CTXN2: variants seen among roughly 807,000 people sequenced by gnomAD.
The protein encoded by CTXN2 is cortexin-2.
A neutral mutation model predicts 5.7 loss-of-function variants in CTXN2; 3 were observed. The ratio of observed to expected loss-of-function variants is 0.53; its 90% CI spans 0.24 to 1.36. CTXN2 has a LOEUF of 1.36. CTXN2 is among the 40% of genes most tolerant of loss of function. The probability of loss-of-function intolerance (pLI) is 0.17; values close to 1 mark genes in which losing one functional copy is unlikely to be tolerated. For synonymous variants in CTXN2, 38 were observed against 36.4 expected (o/e 1.04, Z -0.16); for missense variants, 87 against 93.0 (o/e 0.94, Z 0.26).
At chr15:48,187,025 G>A (rs2040764029), upstream of CTXN2, among the ~76,000 whole-genome samples, 1 of 151,792 alleles carries the variant, frequency 6.6e-6, no homozygotes. Context: ...AGGCTCTTTG[G>A]ATTACCTTGG....
chr15:48,195,220 C>T (rs373786966), intron 1 of CTXN2, among the ~76,000 whole-genome samples: 25 of 152,074 alleles, frequency 1.6e-4, no homozygotes, highest in African/African-American at 6.0e-4. Flanking sequence ...AGTGTAGAGT[C>T]ATCTTTGATG....
At chr15:48,194,585 C>T (rs1013971092) in intron 1 of CTXN2, among the ~76,000 whole-genome samples, 24 of 152,056 alleles carry the variant, frequency 1.6e-4, no homozygotes, top group Admixed American at 1.4e-3. Flanking sequence ...TTCTAGAAGC[C>T]CTAGCCTCCT....
intron 1 of CTXN2, among the ~76,000 whole-genome samples, chr15:48,184,395 C>G (rs1424432726): frequency 2.6e-5 from 4 of 152,002 alleles, no homozygotes; most frequent in Non-Finnish European, 2.9e-5. Context: ...TCACATTCTA[C>G]AAAATCATAC....
rs977475983 is a variant in CTXN2, at chr15:48,202,016, G to T, written c.*470G>T. 2.3e-5 allele frequency: 4 copies of T among 172,934 alleles called. No homozygotes were observed. Among genetic ancestry groups the T allele is most frequent in the Admixed American group, 6.0e-5 (1 of 16,624 alleles). The allele number at this position is 172,934 out of a possible 1,614,324, so 10.7% of individuals were successfully genotyped here. A position where few individuals can be genotyped will look rare whatever the true frequency, so the allele number is the denominator to read the frequency against. Reference sequence around the variant, plus strand: ...TCTAATAATAACCATAGGCCCAAAAGGTTCACAGGTGAAAAAATATCTCAA... The same window carrying T: ...TCTAATAATAACCATAGGCCCAAAATGTTCACAGGTGAAAAAATATCTCAA... On this transcript the variant is annotated 3_prime_UTR_variant, in exon 2 of 2. Coordinates refer to ENST00000417307, the MANE Select transcript of CTXN2 (RefSeq NM_001145668.2).
intron 1 of CTXN2, among the ~76,000 whole-genome samples, chr15:48,185,510 A>AG: frequency 6.6e-6 from 1 of 152,302 alleles, no homozygotes; most frequent in East Asian, 1.9e-4. Context: ...ATTATGTTGG[A>AG]GAAAAAAGTG....
At chr15:48,189,508 G>C (rs893935774), upstream of CTXN2, 1 of 152,104 alleles carries the variant, frequency 6.6e-6, no homozygotes, top group East Asian at 1.9e-4. Flanking sequence ...CTTGAGCTCG[G>C]CCTGCAAAGA....
At chr15:48,199,529 A>C (rs967653073) in intron 1 of CTXN2, among the ~76,000 whole-genome samples, 1 of 152,216 alleles carries the variant, frequency 6.6e-6, no homozygotes, top group African/African-American at 2.4e-5. Flanking sequence ...CTCTATAGAG[A>C]AACATCCTGC....
At chr15:48,197,031 T>C (rs1015525812) in intron 1 of CTXN2, among the ~76,000 whole-genome samples, 4 of 146,308 alleles carry the variant, frequency 2.7e-5, no homozygotes, top group Non-Finnish European at 6.1e-5. Context: ...TTTTTTTTCA[T>C]TTCTAAAGCC....
intron 1 of CTXN2, chr15:48,178,526 C>A: frequency 2.9e-6 from 1 of 350,520 alleles, no homozygotes; most frequent in Non-Finnish European, 5.1e-6. Context: ...CTGAAAGCCC[C>A]CGGTGGTGGT....
At chr15:48,183,499 C>A (rs2040719183) in intron 1 of CTXN2, among the ~76,000 whole-genome samples, 1 of 152,184 alleles carries the variant, frequency 6.6e-6, no homozygotes, top group African/African-American at 2.4e-5. Context: ...TGGAAGACAA[C>A]TTAAGTTTTA....
chr15:48,185,139 T>C (rs753260123), intron 1 of CTXN2, among the ~76,000 whole-genome samples: 3 of 152,016 alleles, frequency 2.0e-5, no homozygotes, highest in Non-Finnish European at 2.9e-5. Context: ...CAGGGGTTTG[T>C]GAGGGGAAGA....
intron 1 of CTXN2, among the ~76,000 whole-genome samples, chr15:48,196,104 A>G (rs1399181413): frequency 6.6e-6 from 1 of 152,090 alleles, no homozygotes; most frequent in African/African-American, 2.4e-5. Context: ...CCCCTATTCA[A>G]TTTAAGACAT....
At chr15:48,198,261 A>C (rs778621473) in intron 1 of CTXN2, among the ~76,000 whole-genome samples, 5 of 152,150 alleles carry the variant, frequency 3.3e-5, no homozygotes, top group Non-Finnish European at 7.4e-5. Context: ...TTTTGAAATC[A>C]AATAAAAATT....
At position 48,201,476 on chromosome 15, in the gene CTXN2, T is replaced by C. The variant is rs2040929000; in HGVS notation, c.176T>C (p.Met59Thr). The C allele has an allele frequency of 6.4e-7, 1 of 1,551,022 alleles. No homozygotes were observed. The highest frequency in any genetic ancestry group is 1.4e-5 in the African/African-American group (1 of 73,034). ...ATCCTGCTAGACCCATATAGTAGCA[T>C]GCCTTCCTCTACATGGGAAGATGAA... is the stretch of plus-strand genomic sequence containing the variant. ...FKILLDPYSS[M>T]PSSTWEDEVE... The change falls in exon 2 of 2, where the codon ATG becomes ACG. Residue 59 changes from methionine (M) to threonine (T), a missense_variant. By Grantham distance (81) the Met-to-Thr change is moderately conservative. Coordinates refer to ENST00000417307, the MANE Select transcript of CTXN2 (RefSeq NM_001145668.2).
At chr15:48,190,778 G>C (rs538025904), upstream of CTXN2, among the ~76,000 whole-genome samples, 22 of 152,330 alleles carry the variant, frequency 1.4e-4, no homozygotes, top group Admixed American at 1.4e-3. Flanking sequence ...CCCTGTAACT[G>C]AGTTTGTTGA....
chr15:48,200,581 G>C (rs1026006852), intron 1 of CTXN2, among the ~76,000 whole-genome samples: 4 of 152,132 alleles, frequency 2.6e-5, no homozygotes, highest in African/African-American at 9.7e-5. Flanking sequence ...GTGGCTAATG[G>C]CCATAGCCAC....
In CTXN2 at chr15:48,203,133, G is replaced by T. The variant is rs995768433; in HGVS notation, c.*1587G>T. Reference sequence around the variant, plus strand: ...CCCAAGGTCACCATAGCTAGGGAATGGTTATGTTAGGGATTGAACTTGGGC... The same window carrying T: ...CCCAAGGTCACCATAGCTAGGGAATTGTTATGTTAGGGATTGAACTTGGGC... On this transcript the variant is annotated 3_prime_UTR_variant, in exon 2 of 2. Transcript: ENST00000417307. The T allele has an allele frequency of 1.2e-5, 2 of 167,024 alleles. No homozygotes were observed. The highest frequency in any genetic ancestry group is 2.9e-5 in the Non-Finnish European group (2 of 68,102). 10.3% of individuals were successfully genotyped at this position (167,024 alleles called of 1,614,324 possible). A position where few individuals can be genotyped will look rare whatever the true frequency, so the allele number is the denominator to read the frequency against.
At chr15:48,198,302 A>T (rs1274385040) in intron 1 of CTXN2, among the ~76,000 whole-genome samples, 1 of 152,106 alleles carries the variant, frequency 6.6e-6, no homozygotes, top group Non-Finnish European at 1.5e-5. Flanking sequence ...ATGTATTTGC[A>T]TGCTTTTTGG....
At chr15:48,196,259 G>T (rs2040878442) in intron 1 of CTXN2, among the ~76,000 whole-genome samples, 1 of 152,020 alleles carries the variant, frequency 6.6e-6, no homozygotes, top group African/African-American at 2.4e-5. Context: ...CTTAAACAAA[G>T]GGCTTTAGAA....
Sources: gnomAD v4.1 joint callset for allele counts (sites outside exome capture counted in the v4.1 genomes callset) on GRCh38, gnomAD v4.1.1 for gene constraint, MANE v1.5 for transcripts, NCBI Gene and HGNC (gene_info 2026-07-23, HGNC 2026-07-21) for gene names.